The following CADPS variants were observed in gnomAD, a reference collection of about 807,000 sequenced individuals.
The protein encoded by CADPS is calcium-dependent secretion activator 1.
In CADPS, 57 loss-of-function variants were observed where a neutral mutation model predicts 167.3. That is an observed-to-expected ratio of 0.34 (90% CI 0.28 to 0.42). CADPS has a LOEUF of 0.42. CADPS is among the 20% of genes least tolerant of loss of function. CADPS has a pLI of 1.00. For synonymous variants in CADPS, 676 were observed against 635.3 expected (o/e 1.06, Z -0.96); for missense variants, 1,414 against 1,738.1 (o/e 0.81, Z 3.32).
At chr3:62,695,269 T>C (rs752145098) in intron 3 of CADPS, among the ~76,000 whole-genome samples, 6 of 152,076 alleles carry the variant, frequency 3.9e-5, no homozygotes, top group Non-Finnish European at 7.4e-5. Flanking sequence ...GACAGTTGTT[T>C]TGCTGTTGTA....
chr3:62,736,138 CA>C (rs2078954942), intron 3 of CADPS, among the ~76,000 whole-genome samples: 1 of 152,116 alleles, frequency 6.6e-6, no homozygotes, highest in Non-Finnish European at 1.5e-5. Flanking sequence ...TACCTTGAGC[CA>C]GTCCTTCACC....
chr3:62,524,793 A>G (rs1204442337), intron 13 of CADPS, among the ~76,000 whole-genome samples: 2 of 152,242 alleles, frequency 1.3e-5, no homozygotes, highest in Non-Finnish European at 2.9e-5. Flanking sequence ...GCAAGAACAC[A>G]TCAGATGATT....
chr3:62,545,570 A>C (rs977077095), intron 11 of CADPS, among the ~76,000 whole-genome samples: 1 of 152,106 alleles, frequency 6.6e-6, no homozygotes, highest in African/African-American at 2.4e-5. Context: ...AAACCCTCCC[A>C]AAAATCTCTG....
intron 4 of CADPS, among the ~76,000 whole-genome samples, chr3:62,660,278 A>G (rs1398681014): frequency 1.3e-5 from 2 of 152,180 alleles, no homozygotes; most frequent in Middle Eastern, 3.2e-3. Flanking sequence ...AGTTGGGAAT[A>G]TACTCGTTGT....
At chr3:62,804,224 GATGA>G (rs981012010) in intron 1 of CADPS, among the ~76,000 whole-genome samples, 30 of 152,272 alleles carry the variant, frequency 2.0e-4, no homozygotes, top group African/African-American at 6.7e-4. Flanking sequence ...ATACTTGACG[GATGA>G]ATGAATGGAC....
intron 2 of CADPS, among the ~76,000 whole-genome samples, chr3:62,757,500 C>T (rs2084260084): frequency 6.6e-6 from 1 of 152,094 alleles, no homozygotes; most frequent in South Asian, 2.1e-4. Flanking sequence ...GCAAAGCAGA[C>T]TCCTCTAGCA....
At chr3:62,842,802 T>C (rs1189785768) in intron 1 of CADPS, among the ~76,000 whole-genome samples, 1 of 152,192 alleles carries the variant, frequency 6.6e-6, no homozygotes, top group Non-Finnish European at 1.5e-5. Flanking sequence ...TCTCTAGACA[T>C]GCTGAATGAT....
intron 11 of CADPS, among the ~76,000 whole-genome samples, chr3:62,541,830 T>A (rs889022785): frequency 6.6e-6 from 1 of 152,166 alleles, no homozygotes; most frequent in East Asian, 1.9e-4. Context: ...CATATACTAT[T>A]TTTCATGATC....
In CADPS at chr3:62,537,703, T is replaced by C. The variant is rs555135506; in HGVS notation, c.1967-1122A>G. Among the ~76,000 whole-genome samples the C allele has an allele frequency of 3.9e-5, 6 of 152,082 alleles. No individual in the cohort carries two copies. In the South Asian group the frequency reaches 1.2e-3, roughly 32 times the overall value. On this transcript the variant is annotated intron_variant, in intron 11 of 29. Transcript: ENST00000383710. ...TGACTTGGGAGTAGTTTGGATAACATTTTCATGTGTGGCCTCAGTCCCAGG... is the reference window on the plus strand; with the variant it reads ...TGACTTGGGAGTAGTTTGGATAACACTTTCATGTGTGGCCTCAGTCCCAGG...
intron 6 of CADPS, among the ~76,000 whole-genome samples, chr3:62,639,001 G>C (rs908045533): frequency 6.6e-6 from 1 of 151,980 alleles, no homozygotes; most frequent in Admixed American, 6.6e-5. Flanking sequence ...CCTTCCCACT[G>C]TCTATCCTAC....
intron 3 of CADPS, among the ~76,000 whole-genome samples, chr3:62,693,129 C>T (rs552348008): frequency 1.1e-4 from 16 of 152,156 alleles, no homozygotes; most frequent in African/African-American, 3.4e-4. Flanking sequence ...CACTCAAGTT[C>T]CTGCCCCTCC....
chr3:62,718,026 AG>A (rs1554108892), intron 3 of CADPS, among the ~76,000 whole-genome samples: 1 of 132,128 alleles, frequency 7.6e-6, no homozygotes. Flanking sequence ...GTCACATCTT[AG>A]AGTAATTTTT....
chr3:62,587,725 A>G (rs1329438403), intron 7 of CADPS, among the ~76,000 whole-genome samples: 1 of 152,188 alleles, frequency 6.6e-6, no homozygotes, highest in African/African-American at 2.4e-5. Flanking sequence ...TCGTGACGCA[A>G]TAGCCGCAGC....
intron 2 of CADPS, among the ~76,000 whole-genome samples, chr3:62,758,129 C>A (rs147623672): frequency 8.9e-4 from 135 of 152,260 alleles, no homozygotes; most frequent in African/African-American, 3.1e-3. Flanking sequence ...AGTAGCTACT[C>A]AATAAATACT....
At chr3:62,812,863 C>A (rs2094450870) in intron 1 of CADPS, among the ~76,000 whole-genome samples, 1 of 152,140 alleles carries the variant, frequency 6.6e-6, no homozygotes, top group African/African-American at 2.4e-5. Flanking sequence ...TAGTGACCCT[C>A]CTGATTCTCT....
chr3:62,668,583 C>A (rs562550392), intron 3 of CADPS, among the ~76,000 whole-genome samples: 1 of 152,178 alleles, frequency 6.6e-6, no homozygotes, highest in Non-Finnish European at 1.5e-5. Context: ...TTGTGAATTT[C>A]TCCTGTCTCT....
rs969047120 is a variant in CADPS at position 62,835,229 on chromosome 3, A to C, written c.441+39360T>G. Among the ~76,000 whole-genome samples, 14 of 152,296 alleles carry C rather than the reference A, an allele frequency of 9.2e-5. No homozygotes were observed. In the East Asian group the frequency reaches 2.5e-3, roughly 27 times the overall value. ...AAGATAAAATTACCTTTTCCCATTAAGTAGTATCTCAAAATAAAAAATAAA... is the reference window on the plus strand; with the variant it reads ...AAGATAAAATTACCTTTTCCCATTACGTAGTATCTCAAAATAAAAAATAAA... On this transcript the variant is annotated intron_variant, in intron 1 of 29. Coordinates refer to ENST00000383710, the MANE Select transcript of CADPS (RefSeq NM_003716.4).
At chr3:62,520,352 T>C (rs2070188606) in intron 13 of CADPS, among the ~76,000 whole-genome samples, 1 of 152,242 alleles carries the variant, frequency 6.6e-6, no homozygotes. Flanking sequence ...CTATAAAAGA[T>C]ATTATTACAA....
intron 6 of CADPS, among the ~76,000 whole-genome samples, chr3:62,605,153 C>G (rs1313402727): frequency 6.6e-6 from 1 of 152,148 alleles, no homozygotes; most frequent in African/African-American, 2.4e-5. Flanking sequence ...GCAAAAGCCA[C>G]TGACAGGCTT....
Sources: allele counts gnomAD v4.1 joint callset (sites outside exome capture counted in the v4.1 genomes callset), GRCh38; gene constraint gnomAD v4.1.1; transcripts MANE v1.5; gene names NCBI Gene and HGNC (gene_info 2026-07-23, HGNC 2026-07-21).